Variants in SLC16A1 observed in about 807,000 individuals in gnomAD.
The protein encoded by SLC16A1 is solute carrier family 16 member 1.
A neutral mutation model predicts 32.2 loss-of-function variants in SLC16A1; 11 were observed. That is an observed-to-expected ratio of 0.34 (90% CI 0.21 to 0.56). The LOEUF (loss-of-function observed/expected upper bound fraction) is 0.56, where lower values mean the gene tolerates loss of function less well. SLC16A1 is among the 20% of genes least tolerant of loss of function. The pLI, the probability that SLC16A1 is intolerant of heterozygous loss-of-function variation, is 0.87. For missense variants in SLC16A1, 435 were observed against 615.0 expected (o/e 0.71, Z 3.10); for synonymous variants, 231 against 226.8 (o/e 1.02, Z -0.17).
intron 1 of SLC16A1, among the ~76,000 whole-genome samples, chr1:112,949,819 G>GT (rs1473341734): frequency 1.3e-5 from 2 of 152,064 alleles, no homozygotes; most frequent in Non-Finnish European, 2.9e-5. Context: ...GATTACAGAC[G>GT]TGAGCCACGT....
chr1:112,926,682 T>C (rs996132965), intron 2 of SLC16A1, among the ~76,000 whole-genome samples: 1 of 152,056 alleles, frequency 6.6e-6, no homozygotes, highest in Non-Finnish European at 1.5e-5. Context: ...AAGACCAGCC[T>C]TGGCAACATT....
rs1648365302 is a variant in SLC16A1, at chr1:112,912,785, C to T, written c.*1106G>A. Reference sequence around the variant, plus strand: ...TTGCCTGGTGCCAAATTTTTCTGGCCCTTTTTAATTTGCAAACCTTAAAAA... The same window carrying T: ...TTGCCTGGTGCCAAATTTTTCTGGCTCTTTTTAATTTGCAAACCTTAAAAA... On this transcript the variant is annotated 3_prime_UTR_variant, in exon 5 of 5. Transcript: ENST00000369626. 6.6e-6 allele frequency: 1 copy of T among 151,654 alleles called. No individual in the cohort carries two copies. The highest frequency in any genetic ancestry group is 2.1e-4 in the South Asian group (1 of 4,808). 9.4% of individuals were successfully genotyped at this position (151,654 alleles called of 1,614,324 possible). A position where few individuals can be genotyped will look rare whatever the true frequency, so the allele number is the denominator to read the frequency against.
chr1:112,928,235 C>T (rs138451715), intron 2 of SLC16A1, among the ~76,000 whole-genome samples: 320 of 152,334 alleles, frequency 2.1e-3, no homozygotes, highest in Non-Finnish European at 3.5e-3. Context: ...GATTTAATTA[C>T]AGGCTTAATG....
At chr1:112,918,081 TA>T in intron 3 of SLC16A1, 37 bp from the exon 4 acceptor site, 2 of 1,107,478 alleles carry the variant, frequency 1.8e-6, no homozygotes, top group South Asian at 3.2e-5. Flanking sequence ...AATAAATAAA[TA>T]AATAAATAAA....
At chr1:112,946,167 C>T (rs1450929889) in intron 1 of SLC16A1, among the ~76,000 whole-genome samples, 2 of 152,076 alleles carry the variant, frequency 1.3e-5, no homozygotes, top group African/African-American at 4.8e-5. Flanking sequence ...TAAGATTCTA[C>T]CAATTTCTTC....
intron 1 of SLC16A1, among the ~76,000 whole-genome samples, chr1:112,933,015 A>G (rs1404552719): frequency 6.6e-6 from 1 of 152,154 alleles, no homozygotes; most frequent in African/African-American, 2.4e-5. Context: ...GCTATTGTAA[A>G]TGGTAAACTA....
chr1:112,929,820 C>T (rs1649067340), intron 1 of SLC16A1, among the ~76,000 whole-genome samples: 1 of 152,116 alleles, frequency 6.6e-6, no homozygotes, highest in South Asian at 2.1e-4. Context: ...GCACTGCAGC[C>T]TGGGTGAAAG....
In SLC16A1 at chr1:112,949,819, G is replaced by T. The variant is rs149080824; in HGVS notation, c.-45+6216C>A. 1.4e-4 allele frequency among the ~76,000 whole-genome samples: 22 copies of T among 152,182 alleles called. No homozygotes were observed. In the East Asian group the frequency reaches 3.5e-3, roughly 24 times the overall value. Reference sequence around the variant, plus strand: ...CCTCCCAAGTGCTGGGATTACAGACGTGAGCCACGTGCCCAGACAGAATAA... The same window carrying T: ...CCTCCCAAGTGCTGGGATTACAGACTTGAGCCACGTGCCCAGACAGAATAA... On this transcript the variant is annotated intron_variant, in intron 1 of 4. Coordinates refer to ENST00000369626, the MANE Select transcript of SLC16A1 (RefSeq NM_003051.4).
intron 4 of SLC16A1, among the ~76,000 whole-genome samples, chr1:112,915,408 T>A (rs1182677179): frequency 1.3e-5 from 2 of 152,076 alleles, no homozygotes; most frequent in Admixed American, 1.3e-4. Context: ...AAGGGCCAGG[T>A]TGCTGGGGCA....
At chr1:112,940,482 T>A (rs923133014) in intron 1 of SLC16A1, among the ~76,000 whole-genome samples, 1 of 152,178 alleles carries the variant, frequency 6.6e-6, no homozygotes, top group Non-Finnish European at 1.5e-5. Flanking sequence ...ATCACAAACG[T>A]GACTAAATTG....
chr1:112,929,606 G>A (rs1486163834), intron 1 of SLC16A1, among the ~76,000 whole-genome samples: 19 of 152,122 alleles, frequency 1.2e-4, no homozygotes, highest in Non-Finnish European at 2.9e-5. Context: ...AGCTACTCAG[G>A]AGGCTGAGGC....
At chr1:112,924,281 T>C (rs1648854091) in intron 2 of SLC16A1, 1 of 1,446,876 alleles carries the variant, frequency 6.9e-7, no homozygotes, top group Admixed American at 1.7e-5. Flanking sequence ...AGCCAGATGT[T>C]GTGGAGGCCT....
At chr1:112,915,037 C>G (rs768819365) in intron 4 of SLC16A1, among the ~76,000 whole-genome samples, 1 of 152,140 alleles carries the variant, frequency 6.6e-6, no homozygotes, top group Non-Finnish European at 1.5e-5. Flanking sequence ...TTAATACAAC[C>G]AATTTAAATA....
intron 1 of SLC16A1, among the ~76,000 whole-genome samples, chr1:112,949,326 G>C (rs1649809461): frequency 6.6e-6 from 1 of 152,218 alleles, no homozygotes; most frequent in African/African-American, 2.4e-5. Context: ...TGGGATTACA[G>C]GCGTGAGCCA....
intron 1 of SLC16A1, among the ~76,000 whole-genome samples, chr1:112,939,976 T>A (rs1403353729): frequency 6.6e-6 from 1 of 151,962 alleles, no homozygotes; most frequent in Non-Finnish European, 1.5e-5. Flanking sequence ...GGGAGTATTT[T>A]AATAGCATTT....
chr1:112,934,017 G>T (rs2101638306), intron 1 of SLC16A1, among the ~76,000 whole-genome samples: 1 of 152,212 alleles, frequency 6.6e-6, no homozygotes, highest in Middle Eastern at 3.4e-3. Flanking sequence ...CAATAAAAAG[G>T]AACTACTGAT....
chr1:112,941,838 T>G (rs922787462), intron 1 of SLC16A1, among the ~76,000 whole-genome samples: 3 of 152,300 alleles, frequency 2.0e-5, no homozygotes, highest in African/African-American at 7.2e-5. Context: ...AGAGTGTTTG[T>G]AAGATCTCAG....
At chr1:112,914,244 C>A in intron 4 of SLC16A1, 79 bp from the exon 5 acceptor site, 1 of 1,493,870 alleles carries the variant, frequency 6.7e-7, no homozygotes, top group Non-Finnish European at 9.3e-7. Context: ...CTTAAGGATC[C>A]ATTCAGAAAG....
chr1:112,920,584 A>C (rs2101624747), intron 3 of SLC16A1, among the ~76,000 whole-genome samples: 1 of 152,230 alleles, frequency 6.6e-6, no homozygotes, highest in African/African-American at 2.4e-5. Context: ...CTAGCCTGGC[A>C]GTGAGAGTGA....
Sources: gnomAD v4.1 joint callset for allele counts (sites outside exome capture counted in the v4.1 genomes callset) on GRCh38, gnomAD v4.1.1 for gene constraint, MANE v1.5 for transcripts, NCBI Gene and HGNC (gene_info 2026-07-23, HGNC 2026-07-21) for gene names.